The following SEM1 variants were observed in gnomAD, a reference collection of about 807,000 sequenced individuals.
SEM1 encodes the protein SEM1 26S proteasome subunit.
A neutral mutation model predicts 12.7 loss-of-function variants in SEM1; 3 were observed. That is an observed-to-expected ratio of 0.24 (90% CI 0.11 to 0.61). The LOEUF is 0.61. Among genes scored for constraint, SEM1 ranks in the 20% least tolerant of loss-of-function variants. The pLI, the probability that SEM1 is intolerant of heterozygous loss-of-function variation, is 0.88. For missense variants in SEM1, 59 were observed against 81.3 expected, an observed-to-expected ratio of 0.73 and a Z score of 1.06; for synonymous variants, 30 against 27.8, an observed-to-expected ratio of 1.08 and a Z score of -0.25.
At chr7:96,484,422 A>G (rs1232077876) in intron 3 of SEM1, among the ~76,000 whole-genome samples, 2 of 152,216 alleles carry the variant, frequency 1.3e-5, no homozygotes, top group African/African-American at 4.8e-5. Context: ...GAAGCTCTTC[A>G]TGTGAACCAG....
chr7:96,538,989 C>G (rs1204802722), intron 2 of SEM1, among the ~76,000 whole-genome samples: 2 of 151,834 alleles, frequency 1.3e-5, no homozygotes, highest in Non-Finnish European at 2.9e-5. Flanking sequence ...CCATGATCCC[C>G]TTAACACTGC....
rs145096049 is a variant in SEM1 at position 96,535,714 on chromosome 7, G to T, written c.171-29016C>A. ...TCATTAGTGATAACATGTGGTATTC[G>T]GTTTTCTGTTCCTGTTTTAATTCAC... On this transcript the variant is annotated intron_variant and NMD_transcript_variant, in intron 2 of 3. Transcript: ENST00000466986. Among the ~76,000 whole-genome samples the T allele has an allele frequency of 8.3e-3, 1,257 of 151,854 alleles. 15 individuals carry two copies. The highest frequency in any genetic ancestry group is 0.029 in the African/African-American group (1,185 of 41,454).
chr7:96,673,713 T>G (rs1221800119), exon 3 of SEM1: 2 of 763,290 alleles, frequency 2.6e-6, no homozygotes, highest in Non-Finnish European at 4.8e-6. Flanking sequence ...GCATCCCAGC[T>G]CTTTACATTT....
chr7:96,639,666 GT>G (rs1347032799), intron 2 of SEM1, among the ~76,000 whole-genome samples: 2 of 151,758 alleles, frequency 1.3e-5, no homozygotes, highest in African/African-American at 4.8e-5. Flanking sequence ...TTTGGGTTTG[GT>G]AATGACTTTT....
At chr7:96,507,212 G>T (rs1212154822) in intron 2 of SEM1, among the ~76,000 whole-genome samples, 1 of 151,956 alleles carries the variant, frequency 6.6e-6, no homozygotes, top group Non-Finnish European at 1.5e-5. Flanking sequence ...TTAAGGTAAA[G>T]AATATATATA....
intron 2 of SEM1, among the ~76,000 whole-genome samples, chr7:96,624,451 T>G (rs1220527707): frequency 6.6e-6 from 1 of 152,170 alleles, no homozygotes; most frequent in African/African-American, 2.4e-5. Flanking sequence ...ACAGAATGCC[T>G]GAGTTTGCAT....
chr7:96,567,459 A>C (rs1805876649), intron 2 of SEM1, among the ~76,000 whole-genome samples: 1 of 151,162 alleles, frequency 6.6e-6, no homozygotes, highest in African/African-American at 2.4e-5. Context: ...ATATATGTAA[A>C]TAATGATAAT....
chr7:96,693,158 A>C (rs974631502), intron 2 of SEM1, among the ~76,000 whole-genome samples: 9 of 151,464 alleles, frequency 5.9e-5, no homozygotes, highest in African/African-American at 2.2e-4. Flanking sequence ...AAAGTTTAAA[A>C]ATTTATTATA....
chr7:96,650,578 A>G (rs1808943911), intron 2 of SEM1: 1 of 713,058 alleles, frequency 1.4e-6, no homozygotes, highest in South Asian at 1.5e-5. Context: ...TTTGTAAATA[A>G]CAACAACAAC....
At chr7:96,485,338 A>G (rs1267095578) in intron 2 of SEM1, among the ~76,000 whole-genome samples, 20 of 152,026 alleles carry the variant, frequency 1.3e-4, no homozygotes, top group Non-Finnish European at 2.9e-5. Context: ...TGTTAGCAGG[A>G]CTGCATTCCT....
chr7:96,640,549 T>C lies in SEM1; in HGVS notation c.171-17906A>G, dbSNP rs1808560320. On this transcript the variant is annotated intron_variant, in intron 2 of 2. Transcript: ENST00000417009. The surrounding 1 kb of genome is among the most constrained non-coding windows in gnomAD (Gnocchi z 4.0). Reference sequence around the variant, plus strand: ...AAAGCTATGGAGACAGTGAAAACTTTAGTGGTTGGCAGGGGGTAGTGGGAG... The same window carrying C: ...AAAGCTATGGAGACAGTGAAAACTTCAGTGGTTGGCAGGGGGTAGTGGGAG... 6.6e-6 allele frequency among the ~76,000 whole-genome samples: 1 copy of C among 152,046 alleles called. No homozygotes were observed. The highest frequency in any genetic ancestry group is 2.4e-5 in the African/African-American group (1 of 41,516).
At chr7:96,643,803 CA>C (rs1482949126) in intron 2 of SEM1, among the ~76,000 whole-genome samples, 1 of 151,926 alleles carries the variant, frequency 6.6e-6, no homozygotes, top group Non-Finnish European at 1.5e-5. Context: ...CAGGGCCTGT[CA>C]GGGGGTGGGG....
chr7:96,641,999 G>C (rs921530502), intron 2 of SEM1, among the ~76,000 whole-genome samples: 2 of 151,950 alleles, frequency 1.3e-5, no homozygotes, highest in African/African-American at 4.8e-5. Flanking sequence ...ACCTCAAAAT[G>C]CTGAATTTGC....
chr7:96,486,350 C>T (rs752460892), exon 2 of SEM1: 2 of 1,537,068 alleles, frequency 1.3e-6, no homozygotes, highest in East Asian at 2.4e-5. Context: ...TCTCCTCCCC[C>T]TTTTTATGCC....
At chr7:96,685,010 G>T (rs140652959), downstream of SEM1, among the ~76,000 whole-genome samples, 1,171 of 152,216 alleles carry the variant, frequency 7.7e-3, 10 homozygotes, top group Non-Finnish European at 0.012. Context: ...TGTATGGGTG[G>T]AATGAGGGTG....
At chr7:96,514,105 T>C (rs1344216861) in intron 2 of SEM1, among the ~76,000 whole-genome samples, 2 of 152,166 alleles carry the variant, frequency 1.3e-5, no homozygotes, top group East Asian at 3.9e-4. Flanking sequence ...ACATATTTAT[T>C]CAAATATCCT....
intron 3 of SEM1, among the ~76,000 whole-genome samples, chr7:96,501,447 C>CA (rs1218452210): frequency 7.2e-5 from 11 of 151,828 alleles, no homozygotes; most frequent in East Asian, 1.9e-4. Context: ...CACACACACA[C>CA]AAAAAAACCC....
At chr7:96,543,701 C>G (rs1396175645) in intron 2 of SEM1, among the ~76,000 whole-genome samples, 1 of 151,930 alleles carries the variant, frequency 6.6e-6, no homozygotes. Context: ...CATCAGGTTT[C>G]TGTTCGGTTT....
rs575990858 is a variant in SEM1 at position 96,543,295 on chromosome 7, C to T, written c.171-36597G>A. Among the ~76,000 whole-genome samples the T allele has an allele frequency of 1.2e-4, 18 of 151,758 alleles. 1 individual carries two copies. The highest frequency in any genetic ancestry group is 7.2e-4 in the Admixed American group (11 of 15,214). ...AATCTAAAGGTGATTTAACATATACCGGAGGATATGTATAGGTTATATGCA... is the reference window on the plus strand; with the variant it reads ...AATCTAAAGGTGATTTAACATATACTGGAGGATATGTATAGGTTATATGCA... On this transcript the variant is annotated intron_variant and NMD_transcript_variant, in intron 2 of 3. Transcript: ENST00000466986.
Sources: gnomAD v4.1 joint callset for allele counts (sites outside exome capture counted in the v4.1 genomes callset) on GRCh38, gnomAD v4.1.1 for gene constraint, Gnocchi (gnomAD v3.1) non-coding constraint, MANE v1.5 for transcripts, NCBI Gene and HGNC (gene_info 2026-07-23, HGNC 2026-07-21) for gene names.